SGCD: variants seen among roughly 807,000 people sequenced by gnomAD.
SGCD encodes delta-sarcoglycan.
SGCD carries 18 observed loss-of-function variants against 36.6 expected under a neutral mutation model. That is an observed-to-expected ratio of 0.49 (90% CI 0.34 to 0.73). The LOEUF (loss-of-function observed/expected upper bound fraction) is 0.73, where lower values mean the gene tolerates loss of function less well. Among genes scored for constraint, SGCD ranks in the 30% least tolerant of loss-of-function variants. The pLI, the probability that SGCD is intolerant of heterozygous loss-of-function variation, is 0.01. For missense variants in SGCD, 387 were observed against 346.7 expected, an observed-to-expected ratio of 1.12 and a Z score of -0.92; for synonymous variants, 133 against 130.6, an observed-to-expected ratio of 1.02 and a Z score of -0.12.
At chr5:156,522,722 T>G (rs1199100853) in intron 4 of SGCD, among the ~76,000 whole-genome samples, 1 of 147,322 alleles carries the variant, frequency 6.8e-6, no homozygotes, top group Non-Finnish European at 1.5e-5. Context: ...ATTCTGTACA[T>G]GTACCCCAGC....
intron 3 of SGCD, among the ~76,000 whole-genome samples, chr5:156,244,259 C>T (rs1020422203): frequency 6.6e-6 from 1 of 151,842 alleles, no homozygotes; most frequent in African/African-American, 2.4e-5. Flanking sequence ...CCCTGATAGT[C>T]AAGAAAAAAA....
In SGCD at chr5:156,721,663, T is replaced by C. The variant is rs184720872; in HGVS notation, c.576-35918T>C. ...GAGTGAAGCAAGAGAGAAAGAAAAA[T>C]TGATGATACAGAAGAGAGGCTAGCA... On this transcript the variant is annotated intron_variant, in intron 7 of 8. Coordinates refer to ENST00000337851, the MANE Select transcript of SGCD (RefSeq NM_000337.6). 2.6e-5 allele frequency among the ~76,000 whole-genome samples: 4 copies of C among 151,974 alleles called. No homozygotes were observed. In the South Asian group the frequency reaches 8.3e-4, roughly 32 times the overall value.
intron 3 of SGCD, among the ~76,000 whole-genome samples, chr5:156,387,199 G>A (rs906563331): frequency 3.3e-5 from 5 of 152,214 alleles, no homozygotes; most frequent in African/African-American, 1.2e-4. Context: ...TTGAGTATGC[G>A]ACAGCTCCAA....
chr5:156,336,180 C>T (rs550370456), intron 2 of SGCD, among the ~76,000 whole-genome samples: 11 of 152,302 alleles, frequency 7.2e-5, no homozygotes, highest in South Asian at 4.1e-4. Flanking sequence ...ACCTGCCAAG[C>T]GAGCTCCTGC....
At chr5:155,882,671 G>A (rs901362306) in intron 1 of SGCD, among the ~76,000 whole-genome samples, 1 of 152,060 alleles carries the variant, frequency 6.6e-6, no homozygotes, top group Non-Finnish European at 1.5e-5. Flanking sequence ...CTGGGCAGTA[G>A]GTCTCAAGAG....
intron 1 of SGCD, among the ~76,000 whole-genome samples, chr5:156,104,349 T>A (rs895168755): frequency 2.0e-5 from 3 of 152,228 alleles, no homozygotes; most frequent in African/African-American, 7.2e-5. Flanking sequence ...TCTTACTCCA[T>A]ATTTGATCTT....
intron 3 of SGCD, among the ~76,000 whole-genome samples, chr5:156,209,714 CA>C (rs1044483504): frequency 2.0e-5 from 3 of 152,222 alleles, no homozygotes; most frequent in African/African-American, 7.2e-5. Flanking sequence ...CCAGCACCCA[CA>C]CATCCAGCCT....
intron 1 of SGCD, among the ~76,000 whole-genome samples, chr5:155,893,619 T>C (rs1295959609): frequency 2.0e-5 from 3 of 152,242 alleles, no homozygotes; most frequent in African/African-American, 7.2e-5. Context: ...ATCAGTTAGC[T>C]GGACAAACAA....
intron 1 of SGCD, among the ~76,000 whole-genome samples, chr5:156,091,307 G>T (rs535972125): frequency 3.3e-5 from 5 of 152,138 alleles, no homozygotes; most frequent in Non-Finnish European, 5.9e-5. Context: ...GGCTTCAGCC[G>T]GTCCCTCTGT....
At chr5:156,222,841 T>A (rs1764751101) in intron 3 of SGCD, among the ~76,000 whole-genome samples, 1 of 152,150 alleles carries the variant, frequency 6.6e-6, no homozygotes, top group Non-Finnish European at 1.5e-5. Flanking sequence ...GTCTACTTGC[T>A]TAAAATATTT....
chr5:156,652,884 C>T (rs531625609), intron 7 of SGCD, among the ~76,000 whole-genome samples: 6 of 151,918 alleles, frequency 3.9e-5, no homozygotes, highest in East Asian at 3.9e-4. Flanking sequence ...TCTGTTTATA[C>T]GATGGATCAC....
intron 3 of SGCD, among the ~76,000 whole-genome samples, chr5:156,317,674 T>C (rs758438099): frequency 2.0e-5 from 3 of 152,198 alleles, no homozygotes; most frequent in Non-Finnish European, 4.4e-5. Context: ...TTCTGTGTTT[T>C]GATTTTGCTC....
intron 2 of SGCD, among the ~76,000 whole-genome samples, chr5:156,333,317 G>A (rs1768159059): frequency 6.6e-6 from 1 of 152,174 alleles, no homozygotes; most frequent in Non-Finnish European, 1.5e-5. Flanking sequence ...ATCAAAGATG[G>A]TTTATTACCT....
chr5:155,869,275 G>T (rs1755584921), upstream of SGCD, among the ~76,000 whole-genome samples: 1 of 152,118 alleles, frequency 6.6e-6, no homozygotes, highest in African/African-American at 2.4e-5. Flanking sequence ...CCACAACCTA[G>T]CCAATTGCCT....
chr5:156,253,619 C>T (rs886703924), intron 3 of SGCD, among the ~76,000 whole-genome samples: 3 of 152,116 alleles, frequency 2.0e-5, no homozygotes, highest in Admixed American at 2.0e-4. Flanking sequence ...ATTTCAAGAA[C>T]CTATAAATCA....
chr5:156,425,764 C>T (rs1773646316), intron 3 of SGCD, among the ~76,000 whole-genome samples: 2 of 151,932 alleles, frequency 1.3e-5, no homozygotes, highest in Non-Finnish European at 1.5e-5. Context: ...TCTTAGCCTT[C>T]GTATTCTCAT....
At chr5:156,051,109 A>G (rs1204363251) in intron 1 of SGCD, among the ~76,000 whole-genome samples, 1 of 146,674 alleles carries the variant, frequency 6.8e-6, no homozygotes, top group African/African-American at 2.5e-5. Flanking sequence ...ATTTTAAAAA[A>G]GGTTTGTTTG....
At chr5:156,248,107 G>A (rs1765482361) in intron 3 of SGCD, among the ~76,000 whole-genome samples, 2 of 152,180 alleles carry the variant, frequency 1.3e-5, no homozygotes, top group Non-Finnish European at 2.9e-5. Context: ...AAAGTGTGTA[G>A]TATGTTTATG....
At chr5:156,221,061 A>G (rs1393531949) in intron 3 of SGCD, among the ~76,000 whole-genome samples, 1 of 152,094 alleles carries the variant, frequency 6.6e-6, no homozygotes, top group Non-Finnish European at 1.5e-5. Flanking sequence ...GTTTGTTCTC[A>G]GATATTTGGA....
Sources: allele counts gnomAD v4.1 joint callset (sites outside exome capture counted in the v4.1 genomes callset), GRCh38; gene constraint gnomAD v4.1.1; transcripts MANE v1.5; gene names NCBI Gene and HGNC (gene_info 2026-07-23, HGNC 2026-07-21).